Variants in PRKACB observed in about 807,000 individuals in gnomAD.
PRKACB encodes the protein protein kinase cAMP-activated catalytic subunit beta, also known as cAMP-dependent protein kinase catalytic subunit beta.
A neutral mutation model predicts 51.4 loss-of-function variants in PRKACB; 16 were observed. The observed-to-expected ratio is 0.31, with a 90% CI of 0.21 to 0.47. PRKACB has a LOEUF of 0.47. Ranked by LOEUF, PRKACB falls within the 20% of genes least tolerant of loss-of-function variation. PRKACB has a pLI of 1.00. For synonymous variants in PRKACB, 147 were observed against 154.4 expected, an observed-to-expected ratio of 0.95 and a Z score of 0.35; for missense variants, 309 against 464.5, an observed-to-expected ratio of 0.67 and a Z score of 3.08.
chr1:84,197,718 T>G lies in PRKACB; in HGVS notation c.688-11T>G, dbSNP rs756504411. 8.5e-5 allele frequency: 134 copies of G among 1,574,362 alleles called. No individual in the cohort carries two copies. The highest frequency in any genetic ancestry group is 1.1e-4 in the Non-Finnish European group (130 of 1,150,620). On this transcript the variant is annotated splice_polypyrimidine_tract_variant and intron_variant, in intron 6 of 9. Coordinates refer to ENST00000370685, the MANE Select transcript of PRKACB (RefSeq NM_182948.4). ...ATACATTTTCACTAGTATTCTTTTT[T>G]TCTTTTATAGGTCACAGACTTTGGG...
At chr1:84,231,526 A>T (rs959377395) in intron 9 of PRKACB, among the ~76,000 whole-genome samples, 1 of 152,214 alleles carries the variant, frequency 6.6e-6, no homozygotes, top group Admixed American at 6.5e-5. Context: ...CTCTGGTAGA[A>T]TTCGGCTGTG....
intron 1 of PRKACB, among the ~76,000 whole-genome samples, chr1:84,090,146 G>T (rs1648336589): frequency 6.6e-6 from 1 of 152,108 alleles, no homozygotes; most frequent in South Asian, 2.1e-4. Context: ...GATCAACTCT[G>T]TCTCTCATTC....
At chr1:84,160,572 AAT>A (rs1225918632) in intron 1 of PRKACB, among the ~76,000 whole-genome samples, 4 of 147,660 alleles carry the variant, frequency 2.7e-5, no homozygotes, top group African/African-American at 9.8e-5. Context: ...ATAATACTAT[AAT>A]ATATAATAAT....
chr1:84,175,190 G>T, intron 1 of PRKACB: 1 of 890,552 alleles, frequency 1.1e-6, no homozygotes, highest in Non-Finnish European at 1.5e-6. Flanking sequence ...CATTGATGAA[G>T]GAAATAGTTT....
intron 1 of PRKACB, among the ~76,000 whole-genome samples, chr1:84,093,038 G>T (rs1013241609): frequency 1.3e-5 from 2 of 151,722 alleles, no homozygotes; most frequent in Non-Finnish European, 2.9e-5. Context: ...TTCATAGCTT[G>T]CCTTTTCACT....
intron 3 of PRKACB, 147 bp from the exon 4 acceptor site, chr1:84,183,890 A>G: frequency 1.2e-6 from 1 of 811,896 alleles, no homozygotes; most frequent in Non-Finnish European, 1.7e-6. Context: ...GCACCAACCT[A>G]AAAGTTGGTA....
chr1:84,079,097 A>G (rs1478549511), intron 1 of PRKACB, among the ~76,000 whole-genome samples: 2 of 151,716 alleles, frequency 1.3e-5, no homozygotes, highest in Non-Finnish European at 2.9e-5. Flanking sequence ...CACACTTTAC[A>G]TCAAACAGTA....
At chr1:84,090,268 A>G (rs1648351671) in intron 1 of PRKACB, among the ~76,000 whole-genome samples, 1 of 152,220 alleles carries the variant, frequency 6.6e-6, no homozygotes, top group Non-Finnish European at 1.5e-5. Flanking sequence ...AAAAGCTATC[A>G]GACAGGAACC....
intron 1 of PRKACB, among the ~76,000 whole-genome samples, chr1:84,159,027 GATTACTAAAACTT>G (rs767197909): frequency 3.9e-5 from 6 of 152,022 alleles, no homozygotes; most frequent in African/African-American, 4.8e-5. Flanking sequence ...ACACTGTCTT[GATTACTAAAACTT>G]TAAGGTAAGT....
At chr1:84,090,279 C>T (rs1648352941) in intron 1 of PRKACB, among the ~76,000 whole-genome samples, 1 of 152,114 alleles carries the variant, frequency 6.6e-6, no homozygotes, top group South Asian at 2.1e-4. Context: ...GACAGGAACC[C>T]CTTTAACTTC....
intron 1 of PRKACB, among the ~76,000 whole-genome samples, chr1:84,096,901 A>C (rs550204854): frequency 2.6e-5 from 4 of 152,086 alleles, no homozygotes; most frequent in Non-Finnish European, 5.9e-5. Context: ...CTCCAGAGTC[A>C]ATAAGCATGC....
At chr1:84,226,736 A>T (rs552360578) in intron 9 of PRKACB, among the ~76,000 whole-genome samples, 1 of 152,196 alleles carries the variant, frequency 6.6e-6, no homozygotes, top group East Asian at 1.9e-4. Flanking sequence ...AGAATGTCTA[A>T]AACAATATTT....
In PRKACB at chr1:84,158,836, A is replaced by G. The variant is rs145856537; in HGVS notation, c.187+14288A>G. On this transcript the variant is annotated intron_variant, in intron 1 of 9. Coordinates refer to ENST00000370685, the MANE Select transcript of PRKACB (RefSeq NM_182948.4). ...ATATATGTTGTGAAGTATGAATTGAAGTTCTTTTTTCAACATGTAGATCCA... is the reference window on the plus strand; with the variant it reads ...ATATATGTTGTGAAGTATGAATTGAGGTTCTTTTTTCAACATGTAGATCCA... Among the ~76,000 whole-genome samples, 58 of 152,196 alleles carry G rather than the reference A, an allele frequency of 3.8e-4. No individual in the cohort carries two copies. The East Asian group carries it at 0.01, about 27-fold the overall frequency.
intron 1 of PRKACB, among the ~76,000 whole-genome samples, chr1:84,137,565 A>G (rs980671852): frequency 6.6e-6 from 1 of 152,230 alleles, no homozygotes; most frequent in African/African-American, 2.4e-5. Context: ...AGGTGAAAAA[A>G]TAATATAACT....
intron 1 of PRKACB, among the ~76,000 whole-genome samples, chr1:84,114,444 T>C (rs1381870299): frequency 6.6e-6 from 1 of 152,112 alleles, no homozygotes; most frequent in Non-Finnish European, 1.5e-5. Context: ...GGAGGGCCTT[T>C]AGTGTTATTT....
At chr1:84,194,512 A>G (rs1667664769) in intron 5 of PRKACB, among the ~76,000 whole-genome samples, 1 of 152,218 alleles carries the variant, frequency 6.6e-6, no homozygotes, top group South Asian at 2.1e-4. Flanking sequence ...AGCTGTCTGG[A>G]CTTAAAACTG....
rs41300538 is a variant in PRKACB, at chr1:84,183,698, G to A, written c.379-339G>A. Among the ~76,000 whole-genome samples, 1,383 of 151,622 alleles carry A rather than the reference G, an allele frequency of 9.1e-3. 25 individuals carry two copies. The highest frequency in any genetic ancestry group is 0.031 in the African/African-American group (1,275 of 41,464). On this transcript the variant is annotated intron_variant, in intron 3 of 9. Coordinates refer to ENST00000370685, the MANE Select transcript of PRKACB (RefSeq NM_182948.4). ...CTTAAGTAATTATATATTTATTTAA[G>A]CATAATTGACATAACTAATTTTTAA...
rs368578198 is a variant in PRKACB at position 84,229,913 on chromosome 1, A to C, written c.1072-5267A>C. ...TTCACTCTGATGGTAGTTTCTTTTGATGTGCAGAAGCTCTTTAGTTTAATT... is the reference window on the plus strand; with the variant it reads ...TTCACTCTGATGGTAGTTTCTTTTGCTGTGCAGAAGCTCTTTAGTTTAATT... On this transcript the variant is annotated intron_variant, in intron 9 of 9. Transcript: ENST00000370685. 8.6e-3 allele frequency among the ~76,000 whole-genome samples: 1,303 copies of C among 151,490 alleles called. 8 individuals carry two copies. Among genetic ancestry groups the C allele is most frequent in the Admixed American group, 0.012 (188 of 15,170 alleles).
At chr1:84,217,751 C>A (rs1242446357) in intron 9 of PRKACB, among the ~76,000 whole-genome samples, 1 of 152,166 alleles carries the variant, frequency 6.6e-6, no homozygotes, top group African/African-American at 2.4e-5. Context: ...CATGATCATG[C>A]CACTGCACTC....
Sources: allele counts gnomAD v4.1 joint callset (sites outside exome capture counted in the v4.1 genomes callset), GRCh38; gene constraint gnomAD v4.1.1; transcripts MANE v1.5; gene names NCBI Gene and HGNC (gene_info 2026-07-23, HGNC 2026-07-21).